Variants in PRKN observed in about 807,000 individuals in gnomAD.
PRKN encodes the protein E3 ubiquitin-protein ligase parkin.
In PRKN, 56 loss-of-function variants were observed where a neutral mutation model predicts 59.5. That is an observed-to-expected ratio of 0.94 (90% CI 0.76 to 1.18). The LOEUF is 1.18. Among genes scored for constraint, PRKN ranks in the 50% most tolerant of loss-of-function variants. The pLI is 0.00. For synonymous variants in PRKN, 250 were observed against 222.1 expected, an observed-to-expected ratio of 1.13 and a Z score of -1.12; for missense variants, 657 against 596.4, an observed-to-expected ratio of 1.10 and a Z score of -1.06.
At chr6:162,066,985 C>T (rs1778365834) in intron 4 of PRKN, among the ~76,000 whole-genome samples, 1 of 152,200 alleles carries the variant, frequency 6.6e-6, no homozygotes. Flanking sequence ...CCTTGCCTGA[C>T]TGGCCATGTA....
At position 161,582,757 on chromosome 6, in the gene PRKN, T is replaced by C. The variant is rs1489028321; in HGVS notation, c.872-13341A>G. The stretch of plus-strand genomic sequence containing the variant: ...ACTATTATTAATTTTATAATAAGGA[T>C]AAATGAAACCAGACGTAAGTGTCAT... On this transcript the variant is annotated intron_variant, in intron 7 of 11. Coordinates refer to ENST00000366898, the MANE Select transcript of PRKN (RefSeq NM_004562.3). This position sits in a 1 kb window ranked among gnomAD's most constrained non-coding sequence, Gnocchi z 4.4. Among the ~76,000 whole-genome samples, 1 of 152,080 alleles carries C rather than the reference T, an allele frequency of 6.6e-6. No homozygotes were observed. The highest frequency in any genetic ancestry group is 1.5e-5 in the Non-Finnish European group (1 of 68,016).
chr6:162,297,718 T>TA (rs1562649937), intron 2 of PRKN, among the ~76,000 whole-genome samples: 1 of 151,990 alleles, frequency 6.6e-6, no homozygotes, highest in African/African-American at 2.4e-5. Flanking sequence ...AAAAACCACA[T>TA]AGGACAAGGA....
rs367730421 is a variant in PRKN, at chr6:161,811,685, G to A, written c.735-25777C>T. Among the ~76,000 whole-genome samples the A allele has an allele frequency of 6.8e-3, 1,040 of 152,260 alleles. 14 individuals are homozygous for A. The highest frequency in any genetic ancestry group is 0.024 in the African/African-American group (995 of 41,540). On this transcript the variant is annotated intron_variant, in intron 6 of 11. Transcript: ENST00000366898. ...CACCTGTAATCCCAGCACTTTGGGAGGCCGAGGCGGGTGGATCACCTGAGG... is the reference window on the plus strand; with the variant it reads ...CACCTGTAATCCCAGCACTTTGGGAAGCCGAGGCGGGTGGATCACCTGAGG...
intron 9 of PRKN, among the ~76,000 whole-genome samples, chr6:161,512,452 G>A (rs1583172931): frequency 6.6e-6 from 1 of 152,190 alleles, no homozygotes; most frequent in East Asian, 1.9e-4. Flanking sequence ...GAGAAGTATT[G>A]AACAAACCAC....
intron 6 of PRKN, among the ~76,000 whole-genome samples, chr6:161,892,754 ATTAAAAATTTTAAG>A (rs1777455713): frequency 6.6e-6 from 1 of 152,224 alleles, no homozygotes; most frequent in Non-Finnish European, 1.5e-5. Context: ...AATAAAAAAA[ATTAAAAATTTTAAG>A]TTAAAAATTA....
At chr6:162,607,783 T>C (rs1351730944) in intron 1 of PRKN, among the ~76,000 whole-genome samples, 15 of 152,080 alleles carry the variant, frequency 9.9e-5, no homozygotes, top group African/African-American at 2.9e-4. Context: ...ATGAGGGAGT[T>C]TCCATATGTT....
At chr6:162,339,181 A>C in intron 2 of PRKN, among the ~76,000 whole-genome samples, 1 of 131,090 alleles carries the variant, frequency 7.6e-6, no homozygotes, top group African/African-American at 3.0e-5. Context: ...CCCGGCAGCC[A>C]CCCCATCTGG....
chr6:161,759,908 G>A (rs1217602735), intron 7 of PRKN, among the ~76,000 whole-genome samples: 1 of 152,046 alleles, frequency 6.6e-6, no homozygotes, highest in Non-Finnish European at 1.5e-5. Context: ...ATAGCTCACT[G>A]AGGTAAAAGA....
chr6:162,217,604 C>T (rs984662212), intron 3 of PRKN, among the ~76,000 whole-genome samples: 6 of 152,136 alleles, frequency 3.9e-5, no homozygotes, highest in Admixed American at 3.3e-4. Flanking sequence ...GTTGGTCAGG[C>T]TGGTTTCGAA....
intron 3 of PRKN, among the ~76,000 whole-genome samples, chr6:162,225,100 A>G (rs902836692): frequency 1.3e-5 from 2 of 152,204 alleles, no homozygotes; most frequent in Admixed American, 6.5e-5. Flanking sequence ...GGGCTGCATC[A>G]TAACATGGTA....
At chr6:162,709,558 C>T (rs1343743208) in intron 1 of PRKN, among the ~76,000 whole-genome samples, 2 of 152,088 alleles carry the variant, frequency 1.3e-5, no homozygotes, top group Non-Finnish European at 2.9e-5. Context: ...AGCATCCATC[C>T]GGACCATAGG....
chr6:162,037,791 C>T (rs188553117), intron 5 of PRKN, among the ~76,000 whole-genome samples: 14 of 151,962 alleles, frequency 9.2e-5, no homozygotes, highest in African/African-American at 2.9e-4. Flanking sequence ...GTGATCCACC[C>T]GCCTCAGCCT....
chr6:162,126,806 CTGTTTGTTTGTT>C (rs143861022), intron 4 of PRKN, among the ~76,000 whole-genome samples: 6 of 151,924 alleles, frequency 3.9e-5, no homozygotes, highest in Admixed American at 6.6e-5. Context: ...ATTCATTTTC[CTGTTTGTTTGTT>C]TGTTTGTTTG....
intron 9 of PRKN, among the ~76,000 whole-genome samples, chr6:161,528,920 C>G (rs914677323): frequency 5.9e-5 from 9 of 152,168 alleles, no homozygotes; most frequent in African/African-American, 2.2e-4. Flanking sequence ...GGGCCTCATA[C>G]CGTGTACCAA....
intron 2 of PRKN, among the ~76,000 whole-genome samples, chr6:162,304,589 A>G (rs932244888): frequency 3.3e-5 from 5 of 150,534 alleles, no homozygotes; most frequent in Non-Finnish European, 1.5e-5. Flanking sequence ...CTACCTGTCT[A>G]TCTATCTATA....
At chr6:162,493,950 T>C (rs550067463) in intron 1 of PRKN, among the ~76,000 whole-genome samples, 1 of 152,320 alleles carries the variant, frequency 6.6e-6, no homozygotes, top group African/African-American at 2.4e-5. Context: ...CTCTATATCC[T>C]CTTCCCACTC....
At chr6:161,437,363 G>A (rs1427642330) in intron 9 of PRKN, among the ~76,000 whole-genome samples, 1 of 152,068 alleles carries the variant, frequency 6.6e-6, no homozygotes, top group Non-Finnish European at 1.5e-5. Context: ...CAGGTGGGAG[G>A]GTGTGAGATT....
chr6:162,270,210 C>T (rs544783476), intron 2 of PRKN: 90 of 152,286 alleles, frequency 5.9e-4, no homozygotes, highest in African/African-American at 2.1e-3. Flanking sequence ...TAATGGCATT[C>T]ACAGCAATCT....
chr6:162,341,253 A>C (rs2128128246), intron 2 of PRKN, among the ~76,000 whole-genome samples: 1 of 152,250 alleles, frequency 6.6e-6, no homozygotes, highest in East Asian at 1.9e-4. Context: ...AAAGTCAGGA[A>C]ACAACAGATG....
Sources: allele counts gnomAD v4.1 joint callset (sites outside exome capture counted in the v4.1 genomes callset), GRCh38; gene constraint gnomAD v4.1.1; non-coding constraint Gnocchi (gnomAD v3.1); transcripts MANE v1.5; gene names NCBI Gene and HGNC (gene_info 2026-07-23, HGNC 2026-07-21).